SATB2: variants seen among roughly 807,000 people sequenced by gnomAD.
The protein encoded by SATB2 is DNA-binding protein SATB2.
SATB2 carries 1 observed loss-of-function variant against 73.4 expected under a neutral mutation model. The observed-to-expected ratio is 0.01, with a 90% CI of 0.00 to 0.06. The LOEUF (loss-of-function observed/expected upper bound fraction) is 0.06, where lower values mean the gene tolerates loss of function less well. SATB2 is among the 10% of genes least tolerant of loss of function. The probability of loss-of-function intolerance (pLI) is 1.00; values close to 1 mark genes in which losing one functional copy is unlikely to be tolerated. For synonymous variants in SATB2, 397 were observed against 367.0 expected (o/e 1.08, Z -0.93); for missense variants, 459 against 945.8 (o/e 0.49, Z 6.75).
In SATB2 at chr2:199,455,511, C is replaced by G. The variant is rs1434274776; in HGVS notation, c.169+358G>C. On this transcript the variant is annotated intron_variant, in intron 2 of 10. Coordinates refer to ENST00000417098, the MANE Select transcript of SATB2 (RefSeq NM_001172509.2). This position sits in a 1 kb window ranked among gnomAD's most constrained non-coding sequence, Gnocchi z 4.1. ...ATTTTATTCCCTAAAAGCGAACGCACGTGAACTTCATCCCTACAACAGACA... is the reference window on the plus strand; with the variant it reads ...ATTTTATTCCCTAAAAGCGAACGCAGGTGAACTTCATCCCTACAACAGACA... Among the ~76,000 whole-genome samples the G allele has an allele frequency of 6.6e-6, 1 of 152,198 alleles. No homozygotes were observed.
intron 2 of SATB2, among the ~76,000 whole-genome samples, chr2:199,454,921 T>C (rs1322835246): frequency 2.0e-5 from 3 of 152,188 alleles, no homozygotes; most frequent in African/African-American, 7.2e-5. Flanking sequence ...TTAAATGGGC[T>C]ACTGTTGAAA....
chr2:199,448,453 T>C (rs1227942800), intron 2 of SATB2, among the ~76,000 whole-genome samples: 1 of 152,188 alleles, frequency 6.6e-6, no homozygotes, highest in Non-Finnish European at 1.5e-5. Flanking sequence ...CTGATACACT[T>C]GCTTTCCAGC....
chr2:199,320,362 C>G lies in SATB2; in HGVS notation c.1542+3441G>C, dbSNP rs1009889234. Among the ~76,000 whole-genome samples, 3 of 152,202 alleles carry G rather than the reference C, an allele frequency of 2.0e-5. No individual in the cohort carries two copies. In the South Asian group the frequency reaches 6.2e-4, roughly 32 times the overall value. ...ACACACAGAAAATTATTTTAAAACACTAAACTGGTCCTAAATAGAAAATGA... is the reference window on the plus strand; with the variant it reads ...ACACACAGAAAATTATTTTAAAACAGTAAACTGGTCCTAAATAGAAAATGA... On this transcript the variant is annotated intron_variant, in intron 9 of 10. Transcript: ENST00000417098.
At chr2:199,459,438 C>G (rs1349231888), upstream of SATB2, among the ~76,000 whole-genome samples, 4 of 152,158 alleles carry the variant, frequency 2.6e-5, no homozygotes, top group Non-Finnish European at 5.9e-5. The surrounding 1 kb of genome is among the most constrained non-coding windows in gnomAD (Gnocchi z 4.2). Flanking sequence ...TCCGCTTGGG[C>G]GCGCTGCCTC....
chr2:199,283,597 C>T (rs1268115551), intron 10 of SATB2, among the ~76,000 whole-genome samples: 1 of 150,736 alleles, frequency 6.6e-6, no homozygotes, highest in East Asian at 2.0e-4. Flanking sequence ...ATGTTGTGGG[C>T]CTATTGCATA....
At chr2:199,384,526 A>G (rs143280937) in intron 3 of SATB2, among the ~76,000 whole-genome samples, 21 of 152,354 alleles carry the variant, frequency 1.4e-4, no homozygotes, top group Non-Finnish European at 2.8e-4. Context: ...CCTCTTTGCA[A>G]ATACATTCTT....
intron 6 of SATB2, among the ~76,000 whole-genome samples, chr2:199,367,755 C>T (rs1201920504): frequency 6.6e-6 from 1 of 152,114 alleles, no homozygotes; most frequent in Admixed American, 6.6e-5. Flanking sequence ...TTCCCCAAAT[C>T]CCCTCAGGGA....
At chr2:199,356,225 CAAAAAAAAAA>C (rs200509001) in intron 6 of SATB2, among the ~76,000 whole-genome samples, 13 of 100,980 alleles carry the variant, frequency 1.3e-4, no homozygotes, top group Non-Finnish European at 1.8e-4. Flanking sequence ...GAACATAAGC[CAAAAAAAAAA>C]AAAAAAAAAA....
chr2:199,327,411 A>G (rs1201320219), intron 8 of SATB2, among the ~76,000 whole-genome samples: 3 of 152,204 alleles, frequency 2.0e-5, no homozygotes, highest in Non-Finnish European at 4.4e-5. Flanking sequence ...ACTGCACTCC[A>G]GCCTGGGCAA....
intron 3 of SATB2, among the ~76,000 whole-genome samples, chr2:199,410,906 G>GT (rs1481845617): frequency 3.3e-5 from 5 of 151,846 alleles, no homozygotes; most frequent in South Asian, 4.2e-4. Context: ...TAAAAATAAA[G>GT]TTTTTTTTAA....
chr2:199,297,902 C>T (rs978553197), intron 10 of SATB2, among the ~76,000 whole-genome samples: 2 of 149,046 alleles, frequency 1.3e-5, no homozygotes, highest in Non-Finnish European at 3.0e-5. Context: ...AAAGTTCTCA[C>T]TTATCTTTTA....
intron 3 of SATB2, chr2:199,395,853 T>A (rs964707667): frequency 1.3e-5 from 2 of 152,196 alleles, no homozygotes; most frequent in East Asian, 3.8e-4. Flanking sequence ...AAATAAATAT[T>A]TTATTCATCC....
intron 2 of SATB2, among the ~76,000 whole-genome samples, chr2:199,452,351 T>C (rs1323708246): frequency 6.6e-6 from 1 of 152,132 alleles, no homozygotes; most frequent in African/African-American, 2.4e-5. Context: ...CTTTCAGCAG[T>C]CCAGGAGAAA....
At chr2:199,447,046 G>A (rs1487944795) in intron 2 of SATB2, among the ~76,000 whole-genome samples, 1 of 152,088 alleles carries the variant, frequency 6.6e-6, no homozygotes, top group South Asian at 2.1e-4. Context: ...GGGGTAACCC[G>A]AGTTATCCCC....
intron 3 of SATB2, among the ~76,000 whole-genome samples, chr2:199,391,296 G>A (rs1266123949): frequency 6.6e-6 from 1 of 151,862 alleles, no homozygotes; most frequent in Non-Finnish European, 1.5e-5. Context: ...AGCCAGGTGT[G>A]GTGGTGGGCG....
intron 10 of SATB2, among the ~76,000 whole-genome samples, chr2:199,286,673 A>C (rs554372419): frequency 6.6e-6 from 1 of 152,160 alleles, no homozygotes. Flanking sequence ...CACTCTTCAC[A>C]AAGTATTCTC....
At chr2:199,459,982 G>C (rs971779146), upstream of SATB2, 11 of 152,368 alleles carry the variant, frequency 7.2e-5, no homozygotes, top group African/African-American at 2.6e-4. The surrounding 1 kb of genome is among the most constrained non-coding windows in gnomAD (Gnocchi z 4.2). Context: ...CACGAACCCC[G>C]CACCTAGGCG....
intron 10 of SATB2, among the ~76,000 whole-genome samples, chr2:199,289,968 C>T (rs1013865656): frequency 3.3e-5 from 5 of 152,338 alleles, no homozygotes; most frequent in African/African-American, 4.8e-5. Context: ...CACAGCCAAC[C>T]GAACATCTTG....
intron 9 of SATB2, among the ~76,000 whole-genome samples, chr2:199,322,610 C>T (rs1049804421): frequency 3.3e-5 from 5 of 152,236 alleles, no homozygotes; most frequent in African/African-American, 9.6e-5. Flanking sequence ...ACATTTCAAT[C>T]CCTTTCCAAG....
Sources: allele counts gnomAD v4.1 joint callset (sites outside exome capture counted in the v4.1 genomes callset), GRCh38; gene constraint gnomAD v4.1.1; non-coding constraint Gnocchi (gnomAD v3.1); transcripts MANE v1.5; gene names NCBI Gene and HGNC (gene_info 2026-07-23, HGNC 2026-07-21).